Variants in CNBD1 observed in about 807,000 individuals in gnomAD.
CNBD1 encodes cyclic nucleotide binding domain containing 1.
CNBD1 carries 71 observed loss-of-function variants against 54.4 expected under a neutral mutation model. The ratio of observed to expected loss-of-function variants is 1.30; its 90% CI spans 1.08 to 1.59. CNBD1 has a LOEUF of 1.59. Among genes scored for constraint, CNBD1 ranks in the 40% most tolerant of loss-of-function variants. CNBD1 has a pLI of 0.00. For synonymous variants in CNBD1, 182 were observed against 170.7 expected (o/e 1.07, Z -0.51); for missense variants, 659 against 518.0 (o/e 1.27, Z -2.64).
At position 86,934,633 on chromosome 8, in the gene CNBD1, C is replaced by G. The variant is rs187154225; in HGVS notation, c.273-4963C>G. ...CTGTATTTTGTGTAAATAATTTTGT[C>G]ATATTAAGTTTCATTTCTCTTTCTA... On this transcript the variant is annotated intron_variant, in intron 3 of 10. Coordinates refer to ENST00000518476, the MANE Select transcript of CNBD1 (RefSeq NM_173538.3). 7.2e-5 allele frequency among the ~76,000 whole-genome samples: 11 copies of G among 152,178 alleles called. No individual in the cohort carries two copies. In the East Asian group the frequency reaches 7.7e-4, roughly 11 times the overall value.
intron 4 of CNBD1, among the ~76,000 whole-genome samples, chr8:87,117,595 G>T (rs1811801688): frequency 6.6e-6 from 1 of 152,044 alleles, no homozygotes; most frequent in Non-Finnish European, 1.5e-5. Context: ...TTTATTTACT[G>T]CTGGTCTTTC....
At chr8:87,219,551 C>CAT in intron 5 of CNBD1, among the ~76,000 whole-genome samples, 1 of 151,960 alleles carries the variant, frequency 6.6e-6, no homozygotes, top group Non-Finnish European at 1.5e-5. Context: ...AATATATATG[C>CAT]ATATATATAG....
chr8:87,414,578 A>G (rs1282157458), intron 2 of CNBD1, among the ~76,000 whole-genome samples: 1 of 152,076 alleles, frequency 6.6e-6, no homozygotes, highest in Non-Finnish European at 1.5e-5. Context: ...GAAGGTTAAG[A>G]AAGTAGGGGT....
intron 8 of CNBD1, among the ~76,000 whole-genome samples, chr8:87,320,681 T>A (rs1809506249): frequency 6.6e-6 from 1 of 151,862 alleles, no homozygotes; most frequent in Non-Finnish European, 1.5e-5. Context: ...AACTCAAAGG[T>A]TACACCTTAA....
At chr8:87,300,325 T>C (rs984795371) in intron 8 of CNBD1, among the ~76,000 whole-genome samples, 2 of 152,164 alleles carry the variant, frequency 1.3e-5, no homozygotes, top group Non-Finnish European at 2.9e-5. Flanking sequence ...CAATGAATTA[T>C]ATCTCGATCA....
rs559062815 is a variant in CNBD1 at position 87,286,889 on chromosome 8, C to CT, written c.1042+222dup. 1.5e-3 allele frequency among the ~76,000 whole-genome samples: 222 copies of CT among 152,172 alleles called. 1 individual carries two copies. In the Middle Eastern group the frequency reaches 0.017, roughly 12 times the overall value. ...AAGTGTGGTCTCAGGACTAACCTTA[C>CT]TTTTAACATCTCTCTCTACTCCCTT... On this transcript the variant is annotated intron_variant, in intron 8 of 10. Transcript: ENST00000518476.
chr8:86,991,202 T>A (rs1808739383), intron 4 of CNBD1, among the ~76,000 whole-genome samples: 1 of 152,122 alleles, frequency 6.6e-6, no homozygotes, highest in Admixed American at 6.5e-5. Flanking sequence ...CTGTCTACGA[T>A]TCCTAGTATT....
At chr8:86,967,045 A>G (rs1808095945) in intron 4 of CNBD1, among the ~76,000 whole-genome samples, 1 of 152,090 alleles carries the variant, frequency 6.6e-6, no homozygotes, top group South Asian at 2.1e-4. Flanking sequence ...TGCATTTACA[A>G]TCCTTAGCTA....
chr8:86,998,209 G>A (rs1222314935), intron 4 of CNBD1, among the ~76,000 whole-genome samples: 1 of 142,196 alleles, frequency 7.0e-6, no homozygotes, highest in African/African-American at 2.6e-5. Flanking sequence ...GTGTGTTTCT[G>A]TTTTTTTTTT....
intron 4 of CNBD1, among the ~76,000 whole-genome samples, chr8:87,117,542 T>A (rs1489411299): frequency 6.6e-6 from 1 of 152,170 alleles, no homozygotes; most frequent in Non-Finnish European, 1.5e-5. Flanking sequence ...TCTAGGGACA[T>A]CTTATTTCCA....
chr8:86,910,549 G>A (rs557965759), intron 3 of CNBD1, among the ~76,000 whole-genome samples: 1 of 152,248 alleles, frequency 6.6e-6, no homozygotes, highest in South Asian at 2.1e-4. Flanking sequence ...TGCTTTCCTA[G>A]GTGTAAGATA....
intron 3 of CNBD1, among the ~76,000 whole-genome samples, chr8:86,935,131 G>T (rs1173216782): frequency 6.6e-6 from 1 of 152,076 alleles, no homozygotes. Context: ...CACCTCCTGG[G>T]TTCACACCAC....
At chr8:87,351,633 T>A in intron 8 of CNBD1, 52 bp from the exon 9 acceptor site, 1 of 1,409,266 alleles carries the variant, frequency 7.1e-7, no homozygotes, top group Non-Finnish European at 9.3e-7. Context: ...ATATCTAAAA[T>A]AATTTATTAA....
At chr8:87,408,974 C>A (rs1042611107) in intron 2 of CNBD1, among the ~76,000 whole-genome samples, 4 of 152,002 alleles carry the variant, frequency 2.6e-5, no homozygotes, top group Non-Finnish European at 4.4e-5. Flanking sequence ...TAAGGCCCGA[C>A]AAAATTCAAA....
In CNBD1 at chr8:87,239,332, G is replaced by A. The variant is rs186401149; in HGVS notation, c.771+2220G>A. On this transcript the variant is annotated intron_variant, in intron 6 of 10. Coordinates refer to ENST00000518476, the MANE Select transcript of CNBD1 (RefSeq NM_173538.3). The stretch of plus-strand genomic sequence containing the variant: ...CCTGTAGAAATTATGAGTTTAGCTG[G>A]TGTTATGAAACATGCTGCTCTTTCC... Among the ~76,000 whole-genome samples the A allele has an allele frequency of 2.6e-5, 4 of 151,986 alleles. No individual in the cohort carries two copies. In the East Asian group the frequency reaches 5.8e-4, roughly 22 times the overall value.
chr8:87,362,280 C>A (rs182779908), intron 10 of CNBD1, among the ~76,000 whole-genome samples: 4 of 152,154 alleles, frequency 2.6e-5, no homozygotes, highest in African/African-American at 9.6e-5. Flanking sequence ...TCATTAAAAT[C>A]ATATTGCCAA....
intron 4 of CNBD1, among the ~76,000 whole-genome samples, chr8:87,059,050 C>T (rs1810486061): frequency 6.6e-6 from 1 of 152,166 alleles, no homozygotes; most frequent in Non-Finnish European, 1.5e-5. Context: ...TTTCACAGAT[C>T]TCTAGGGCAG....
At chr8:87,067,683 C>A (rs907534625) in intron 4 of CNBD1, among the ~76,000 whole-genome samples, 8 of 151,878 alleles carry the variant, frequency 5.3e-5, no homozygotes, top group Non-Finnish European at 1.0e-4. Flanking sequence ...ATTTTTCAGT[C>A]TTCACAAATT....
At chr8:87,402,427 A>C (rs961534352) in intron 2 of CNBD1, among the ~76,000 whole-genome samples, 5 of 152,094 alleles carry the variant, frequency 3.3e-5, no homozygotes, top group Non-Finnish European at 7.4e-5. Flanking sequence ...GGATTAATGT[A>C]CATCAATTAA....
Sources: allele counts gnomAD v4.1 joint callset (sites outside exome capture counted in the v4.1 genomes callset), GRCh38; gene constraint gnomAD v4.1.1; transcripts MANE v1.5; gene names NCBI Gene and HGNC (gene_info 2026-07-23, HGNC 2026-07-21).